Variants in CNTN5 observed in about 807,000 individuals in gnomAD.
CNTN5 encodes the protein contactin-5.
A neutral mutation model predicts 129.1 loss-of-function variants in CNTN5; 77 were observed. That is an observed-to-expected ratio of 0.60 (90% CI 0.50 to 0.72). The LOEUF is 0.72. Ranked by LOEUF, CNTN5 falls within the 30% of genes least tolerant of loss-of-function variation. The pLI is 0.00. For synonymous variants in CNTN5, 509 were observed against 465.6 expected, an observed-to-expected ratio of 1.09 and a Z score of -1.20; for missense variants, 1,478 against 1,328.8, an observed-to-expected ratio of 1.11 and a Z score of -1.75.
At chr11:99,430,089 G>A (rs2135098961) in intron 2 of CNTN5, among the ~76,000 whole-genome samples, 1 of 152,178 alleles carries the variant, frequency 6.6e-6, no homozygotes, top group Non-Finnish European at 1.5e-5. Flanking sequence ...CTCAAAAGAG[G>A]GGTGTGTGGC....
chr11:99,046,165 C>T (rs1238469001), intron 1 of CNTN5, among the ~76,000 whole-genome samples: 1 of 152,040 alleles, frequency 6.6e-6, no homozygotes, highest in African/African-American at 2.4e-5. Context: ...ATGGCAAAAC[C>T]CCATCTCTAC....
At chr11:99,415,908 A>G (rs1398658273) in intron 2 of CNTN5, among the ~76,000 whole-genome samples, 1 of 152,214 alleles carries the variant, frequency 6.6e-6, no homozygotes, top group Non-Finnish European at 1.5e-5. Context: ...GAACTCAAAG[A>G]GTCAATTAAT....
chr11:100,210,079 A>C (rs1948995243), intron 15 of CNTN5, among the ~76,000 whole-genome samples: 1 of 151,788 alleles, frequency 6.6e-6, no homozygotes. Flanking sequence ...TTCAAGCCTG[A>C]AATCCCAGCA....
intron 2 of CNTN5, among the ~76,000 whole-genome samples, chr11:99,539,928 A>G (rs773126064): frequency 6.6e-6 from 1 of 152,104 alleles, no homozygotes; most frequent in Non-Finnish European, 1.5e-5. Flanking sequence ...TTTGTCATGT[A>G]TTTTAAATCT....
chr11:100,203,480 A>T (rs1339277257), intron 15 of CNTN5, among the ~76,000 whole-genome samples: 1 of 152,006 alleles, frequency 6.6e-6, no homozygotes, highest in African/African-American at 2.4e-5. Context: ...CCTGTTCTTA[A>T]TAAGTATGCA....
At chr11:99,792,816 C>A (rs1273248665) in intron 3 of CNTN5, among the ~76,000 whole-genome samples, 1 of 152,050 alleles carries the variant, frequency 6.6e-6, no homozygotes, top group African/African-American at 2.4e-5. Flanking sequence ...CTTTATTGTT[C>A]TGTTCAGGGA....
At chr11:99,342,054 A>G (rs1441209300) in intron 2 of CNTN5, among the ~76,000 whole-genome samples, 14 of 152,188 alleles carry the variant, frequency 9.2e-5, no homozygotes, top group Admixed American at 8.5e-4. Context: ...GCTATCTAAC[A>G]TATCTAGTAA....
At chr11:99,837,919 A>T (rs1298730881) in intron 4 of CNTN5, among the ~76,000 whole-genome samples, 1 of 152,094 alleles carries the variant, frequency 6.6e-6, no homozygotes, top group Non-Finnish European at 1.5e-5. Flanking sequence ...ATTTTTCATA[A>T]TATTTTATTA....
chr11:99,338,703 T>G (rs1866347524), intron 2 of CNTN5, among the ~76,000 whole-genome samples: 1 of 151,980 alleles, frequency 6.6e-6, no homozygotes, highest in African/African-American at 2.4e-5. Context: ...GGTTTTATGA[T>G]GTCTTCCATT....
intron 3 of CNTN5, among the ~76,000 whole-genome samples, chr11:99,584,935 G>C (rs1302819788): frequency 1.3e-5 from 1 of 77,022 alleles, no homozygotes; most frequent in Non-Finnish European, 4.3e-5. Context: ...CAACTAACAA[G>C]ATCTGTTGCC....
chr11:99,654,001 G>A (rs1952254526), intron 3 of CNTN5, among the ~76,000 whole-genome samples: 1 of 151,530 alleles, frequency 6.6e-6, no homozygotes, highest in African/African-American at 2.4e-5. Context: ...AATCCATCAA[G>A]TTGTTTAAGT....
chr11:99,712,248 CAT>C (rs1328292656), intron 3 of CNTN5, among the ~76,000 whole-genome samples: 2 of 152,108 alleles, frequency 1.3e-5, no homozygotes, highest in Admixed American at 6.6e-5. Flanking sequence ...AGCATTCTTT[CAT>C]ATGTTTTTTT....
In CNTN5 at chr11:99,649,346, C is replaced by G. The variant is rs183750322; in HGVS notation, c.55+93077C>G. 3.0e-3 allele frequency among the ~76,000 whole-genome samples: 449 copies of G among 151,728 alleles called. 3 individuals carry two copies. Among genetic ancestry groups the G allele is most frequent in the Non-Finnish European group, 4.6e-3 (314 of 67,674 alleles). On this transcript the variant is annotated intron_variant, in intron 3 of 24. Coordinates refer to ENST00000524871, the MANE Select transcript of CNTN5 (RefSeq NM_014361.4). Reference sequence around the variant, plus strand: ...TATCCTGATCAAAATGAGTCAGAATCCCACTGAAATTCTGAAACAAGAGAA... The same window carrying G: ...TATCCTGATCAAAATGAGTCAGAATGCCACTGAAATTCTGAAACAAGAGAA...
chr11:99,688,652 G>T (rs917408717), intron 3 of CNTN5, among the ~76,000 whole-genome samples: 2 of 151,958 alleles, frequency 1.3e-5, no homozygotes, highest in African/African-American at 4.8e-5. Context: ...AGGATGTGCG[G>T]TTTTGTTACA....
intron 9 of CNTN5, among the ~76,000 whole-genome samples, chr11:100,025,493 G>T (rs542024499): frequency 3.3e-5 from 5 of 152,090 alleles, no homozygotes; most frequent in South Asian, 4.2e-4. Context: ...TGTGAGAAGC[G>T]GTTCACTGTC....
chr11:99,326,240 A>G (rs937523313), intron 2 of CNTN5, among the ~76,000 whole-genome samples: 2 of 152,216 alleles, frequency 1.3e-5, no homozygotes, highest in African/African-American at 4.8e-5. Context: ...TAACTACAAT[A>G]CTTCTGATGT....
At chr11:99,758,997 G>A (rs761878959) in intron 3 of CNTN5, among the ~76,000 whole-genome samples, 1 of 152,014 alleles carries the variant, frequency 6.6e-6, no homozygotes, top group Non-Finnish European at 1.5e-5. Flanking sequence ...TATGATGAAG[G>A]CTGGAGAACT....
chr11:100,351,713 G>A (rs188020280), intron 24 of CNTN5, among the ~76,000 whole-genome samples: 1 of 144,178 alleles, frequency 6.9e-6, no homozygotes, highest in African/African-American at 2.6e-5. Flanking sequence ...AAAAGTATTA[G>A]ACAATTTTAT....
intron 9 of CNTN5, among the ~76,000 whole-genome samples, chr11:100,023,800 A>T (rs556994444): frequency 2.6e-5 from 4 of 152,166 alleles, no homozygotes; most frequent in Admixed American, 1.3e-4. Context: ...TTAGTAATGC[A>T]CACTTAAGTT....
Sources: gnomAD v4.1 joint callset for allele counts (sites outside exome capture counted in the v4.1 genomes callset) on GRCh38, gnomAD v4.1.1 for gene constraint, MANE v1.5 for transcripts, NCBI Gene and HGNC (gene_info 2026-07-23, HGNC 2026-07-21) for gene names.